The following PADI2 variants were observed in gnomAD, a reference collection of about 807,000 sequenced individuals.
PADI2 encodes peptidyl arginine deiminase 2, also known as protein-arginine deiminase type-2.
Under a neutral mutation model 81.1 loss-of-function variants are expected in PADI2, and 70 were observed. That is an observed-to-expected ratio of 0.86 (90% CI 0.71 to 1.05). The LOEUF (loss-of-function observed/expected upper bound fraction) is 1.05, where lower values mean the gene tolerates loss of function less well. Ranked by LOEUF, PADI2 falls within the 50% of genes least tolerant of loss-of-function variation. The pLI is 0.00. For synonymous variants in PADI2, 338 were observed against 358.0 expected, an observed-to-expected ratio of 0.94 and a Z score of 0.63; for missense variants, 853 against 889.9, an observed-to-expected ratio of 0.96 and a Z score of 0.53.
intron 1 of PADI2, among the ~76,000 whole-genome samples, chr1:17,116,596 C>G (rs1416774493): frequency 6.6e-6 from 1 of 152,112 alleles, no homozygotes; most frequent in South Asian, 2.1e-4. Flanking sequence ...AGAGGGCCGT[C>G]CAGTTCAACC....
At chr1:17,083,594 T>C in intron 9 of PADI2, 132 bp downstream of exon 9, 1 of 657,520 alleles carries the variant, frequency 1.5e-6, no homozygotes. Context: ...TTTGTGCACA[T>C]GTGCAGATAT....
chr1:17,109,569 C>T (rs1931503202), intron 1 of PADI2, among the ~76,000 whole-genome samples: 1 of 151,442 alleles, frequency 6.6e-6, no homozygotes, highest in South Asian at 2.1e-4. Flanking sequence ...CTGCTCACTG[C>T]AACCTCCGCA....
At chr1:17,095,269 C>T (rs2076613) in intron 4 of PADI2, among the ~76,000 whole-genome samples, 84,483 of 151,944 alleles carry the variant, frequency 0.56, 23,942 homozygotes, top group Non-Finnish European at 0.63. Flanking sequence ...AACACCATGC[C>T]GTCTGCACAA....
chr1:17,071,036 T>C (rs1046033063), intron 14 of PADI2, among the ~76,000 whole-genome samples: 25 of 152,170 alleles, frequency 1.6e-4, no homozygotes, highest in Admixed American at 1.4e-3. Context: ...GCCCCTGGCC[T>C]GAAGCAATCC....
intron 1 of PADI2, 120 bp from the exon 2 acceptor site, chr1:17,105,181 C>A: frequency 1.5e-6 from 1 of 655,336 alleles, no homozygotes; most frequent in South Asian, 2.6e-5. Context: ...TCACTTGAGC[C>A]CAGGCGTTTG....
At chr1:17,069,997 T>A (rs979018098) in intron 15 of PADI2, 91 bp downstream of exon 15, 2 of 1,425,058 alleles carry the variant, frequency 1.4e-6, no homozygotes, top group Non-Finnish European at 1.9e-6. Flanking sequence ...GACCTGGGCC[T>A]CCCCATTGGA....
chr1:17,086,457 C>T lies in PADI2; in HGVS notation c.834+64G>A, dbSNP rs563397981. 7.3e-5 allele frequency: 102 copies of T among 1,391,872 alleles called. No homozygotes were observed. In the African/African-American group the frequency reaches 1.2e-3, roughly 17 times the overall value. The allele number at this position is 1,391,872 out of a possible 1,614,324, so 86.2% of individuals were successfully genotyped here. A position where few individuals can be genotyped will look rare whatever the true frequency, so the allele number is the denominator to read the frequency against. ...TGGAGCATAGCATAGGAATGGCCCA[C>T]TAGTAGGAGACCCACCCTGGCCCCT... is the stretch of plus-strand genomic sequence containing the variant. On this transcript the variant is annotated intron_variant, in intron 7 of 15. Transcript: ENST00000375486.
intron 15 of PADI2, 50 bp from the exon 16 acceptor site, chr1:17,069,327 G>A: frequency 1.5e-6 from 2 of 1,356,812 alleles, no homozygotes; most frequent in Non-Finnish European, 2.1e-6. Context: ...TGAGCACCTA[G>A]TACACACATG....
rs2078248715 is a variant in PADI2, at chr1:17,069,373, T to TGTGAA, written c.1765-101_1765-97dup. On this transcript the variant is annotated intron_variant, in intron 15 of 15. Transcript: ENST00000375486. ...GCTCATGGAACCCTCACGGCAACCC[T>TGTGAA]GTGAAGTAGTAACTGTGATTGGATA... 6.9e-6 allele frequency: 6 copies of TGTGAA among 875,628 alleles called. No individual in the cohort carries two copies. In the South Asian group the frequency reaches 9.2e-5, roughly 13 times the overall value. 54.2% of individuals were successfully genotyped at this position (875,628 alleles called of 1,614,324 possible).
intron 13 of PADI2, among the ~76,000 whole-genome samples, chr1:17,073,693 A>G (rs908442117): frequency 1.2e-4 from 19 of 152,156 alleles, no homozygotes; most frequent in African/African-American, 4.3e-4. Flanking sequence ...GGGATCATTC[A>G]TACCCCAAAT....
chr1:17,091,048 T>G (rs1410244697), intron 6 of PADI2, among the ~76,000 whole-genome samples: 2 of 151,926 alleles, frequency 1.3e-5, no homozygotes, highest in East Asian at 2.0e-4. Context: ...TCCGGCCCCC[T>G]GCGGCAGCGG....
chr1:17,104,435 T>TTTTC (rs891885621), intron 2 of PADI2, among the ~76,000 whole-genome samples: 3 of 73,632 alleles, frequency 4.1e-5, no homozygotes, highest in Non-Finnish European at 5.8e-5. Context: ...CCTTTTCTTT[T>TTTTC]TTTTTTTTTT....
chr1:17,076,668 C>T (rs554830741), intron 11 of PADI2, among the ~76,000 whole-genome samples: 22 of 152,132 alleles, frequency 1.4e-4, no homozygotes, highest in South Asian at 6.2e-4. Flanking sequence ...TATCTCCCTC[C>T]CTGGTTCAAG....
At chr1:17,105,648 C>A (rs2101606857) in intron 1 of PADI2, among the ~76,000 whole-genome samples, 1 of 152,252 alleles carries the variant, frequency 6.6e-6, no homozygotes, top group Non-Finnish European at 1.5e-5. Flanking sequence ...CCTGCCTTGG[C>A]CTCCCAAAGT....
intron 1 of PADI2, among the ~76,000 whole-genome samples, chr1:17,106,448 C>CTT (rs1163064553): frequency 1.4e-4 from 20 of 141,188 alleles, no homozygotes; most frequent in Admixed American, 5.7e-4. Flanking sequence ...TTTTCTTCTT[C>CTT]TTTTTTTTTT....
chr1:17,086,388 A>G (rs1381366361), intron 7 of PADI2, 133 bp downstream of exon 7: 1 of 669,250 alleles, frequency 1.5e-6, no homozygotes, highest in East Asian at 2.9e-5. Flanking sequence ...GGGGGCATCG[A>G]GGTCTCCTAG....
chr1:17,110,173 A>T (rs1400185920), intron 1 of PADI2, among the ~76,000 whole-genome samples: 1 of 152,012 alleles, frequency 6.6e-6, no homozygotes, highest in East Asian at 1.9e-4. Flanking sequence ...TCTCGCAGAA[A>T]CCCGAGAGCC....
In PADI2 at chr1:17,105,016, T is replaced by C. The variant is rs1212582522; in HGVS notation, c.138A>G (p.Glu46=). 1 of 1,604,040 alleles carries C rather than the reference T, an allele frequency of 6.2e-7. No homozygotes were observed. The highest frequency in any genetic ancestry group is 1.7e-5 in the Admixed American group (1 of 59,652). The change falls in exon 2 of 16, where the codon GAA becomes GAG. Residue 46 remains glutamate (E), a synonymous_variant. Coordinates refer to ENST00000375486, the MANE Select transcript of PADI2 (RefSeq NM_007365.3). Reference sequence around the variant, plus strand: ...CACGCACCACCTCCACCCACACGTGTTCCGAGTGCTTCAGGCTGAAGGTTT... The same window carrying C: ...CACGCACCACCTCCACCCACACGTGCTCCGAGTGCTTCAGGCTGAAGGTTT... ...GAQTFSLKHS[E]HVWVEVVRDG...
chr1:17,091,819 G>T (rs532358819), intron 6 of PADI2, among the ~76,000 whole-genome samples: 214 of 152,282 alleles, frequency 1.4e-3, no homozygotes, highest in Middle Eastern at 3.4e-3. Flanking sequence ...TGAGGGCAGG[G>T]TGTGATTGTT....
Sources: gnomAD v4.1 joint callset for allele counts (sites outside exome capture counted in the v4.1 genomes callset) on GRCh38, gnomAD v4.1.1 for gene constraint, MANE v1.5 for transcripts, NCBI Gene and HGNC (gene_info 2026-07-23, HGNC 2026-07-21) for gene names.